TMEM150C: variants seen among roughly 807,000 people sequenced by gnomAD.
TMEM150C encodes the protein tentonin 3.
TMEM150C carries 10 observed loss-of-function variants against 29.9 expected under a neutral mutation model. The ratio of observed to expected loss-of-function variants is 0.33; its 90% CI spans 0.21 to 0.57. The LOEUF (loss-of-function observed/expected upper bound fraction) is 0.57, where lower values mean the gene tolerates loss of function less well. Ranked by LOEUF, TMEM150C falls within the 20% of genes least tolerant of loss-of-function variation. TMEM150C has a pLI of 0.88. For missense variants in TMEM150C, 251 were observed against 303.6 expected, an observed-to-expected ratio of 0.83 and a Z score of 1.29; for synonymous variants, 101 against 112.5, an observed-to-expected ratio of 0.90 and a Z score of 0.64.
chr4:82,535,505 C>G (rs1724975180), intron 1 of TMEM150C, among the ~76,000 whole-genome samples: 1 of 152,082 alleles, frequency 6.6e-6, no homozygotes, highest in Admixed American at 6.6e-5. Context: ...GGTATAGAAG[C>G]AATTCAGGTG....
At chr4:82,512,759 A>G (rs201264966) in intron 1 of TMEM150C, among the ~76,000 whole-genome samples, 2 of 152,244 alleles carry the variant, frequency 1.3e-5, no homozygotes, top group East Asian at 1.9e-4. Flanking sequence ...ACTGAATTAT[A>G]CACTTAGCAA....
chr4:82,487,140 T>A (rs2110060557), intron 7 of TMEM150C, among the ~76,000 whole-genome samples: 1 of 152,164 alleles, frequency 6.6e-6, no homozygotes, highest in East Asian at 1.9e-4. Flanking sequence ...ATCAGAATCA[T>A]TTGGTGAAAG....
chr4:82,550,880 G>A (rs1486958931), intron 1 of TMEM150C, among the ~76,000 whole-genome samples: 1 of 152,212 alleles, frequency 6.6e-6, no homozygotes, highest in East Asian at 1.9e-4. Context: ...CAGAGAATGG[G>A]ATAGTGGGGT....
At chr4:82,536,532 G>A (rs763912006) in intron 1 of TMEM150C, among the ~76,000 whole-genome samples, 27 of 151,810 alleles carry the variant, frequency 1.8e-4, no homozygotes, top group Non-Finnish European at 1.2e-4. Flanking sequence ...GAAAACTTAC[G>A]TAAATATTTA....
intron 1 of TMEM150C, among the ~76,000 whole-genome samples, chr4:82,522,062 C>A (rs74839951): frequency 2.7e-5 from 4 of 149,498 alleles, no homozygotes; most frequent in East Asian, 1.9e-4. Context: ...GAACTTTATT[C>A]AAAAAAAAAA....
intron 1 of TMEM150C, among the ~76,000 whole-genome samples, chr4:82,534,383 A>G (rs998884730): frequency 6.6e-6 from 1 of 152,240 alleles, no homozygotes; most frequent in Non-Finnish European, 1.5e-5. Context: ...GGCTGAATAC[A>G]ACATAAATAT....
intron 7 of TMEM150C, among the ~76,000 whole-genome samples, chr4:82,487,578 T>C (rs1723204177): frequency 6.6e-6 from 1 of 152,240 alleles, no homozygotes; most frequent in Non-Finnish European, 1.5e-5. Flanking sequence ...TTTTATCTTA[T>C]ATTGGCAGAG....
At chr4:82,502,043 G>A (rs1164531368) in intron 5 of TMEM150C, among the ~76,000 whole-genome samples, 1 of 152,122 alleles carries the variant, frequency 6.6e-6, no homozygotes, top group African/African-American at 2.4e-5. Context: ...CTGAGGAGAT[G>A]GTATACAAGG....
In TMEM150C at chr4:82,503,108, A is replaced by C; in HGVS notation, c.85T>G (p.Phe29Val). The change falls in exon 3 of 8, where the codon TTC becomes GTC. Residue 29 changes from phenylalanine (F) to valine (V), a missense_variant. Transcript: ENST00000449862. ...FTSAGLWIVY[F>V]IAVEDDKILP... ...ATTTTGTCATCTTCCACAGCTATGAAGTATCTATCAAAAAAGAATAAGTTT... is the reference window on the plus strand; with the variant it reads ...ATTTTGTCATCTTCCACAGCTATGACGTATCTATCAAAAAAGAATAAGTTT... 2 of 1,599,082 alleles carry C rather than the reference A, an allele frequency of 1.3e-6. No individual in the cohort carries two copies. The highest frequency in any genetic ancestry group is 1.7e-6 in the Non-Finnish European group (2 of 1,169,498).
intron 5 of TMEM150C, among the ~76,000 whole-genome samples, chr4:82,499,615 C>T (rs780404642): frequency 8.4e-5 from 12 of 142,534 alleles, no homozygotes; most frequent in Non-Finnish European, 1.5e-4. Flanking sequence ...CCCAGCTGCT[C>T]GGGAGGCTGA....
intron 1 of TMEM150C, among the ~76,000 whole-genome samples, chr4:82,530,413 C>A (rs1433816683): frequency 2.0e-5 from 3 of 151,952 alleles, no homozygotes; most frequent in Non-Finnish European, 4.4e-5. Flanking sequence ...AAAAATTAGC[C>A]GGGTGTGGTG....
In TMEM150C at chr4:82,499,488, G is replaced by A. The variant is rs183436778; in HGVS notation, c.235+3239C>T. Among the ~76,000 whole-genome samples the A allele has an allele frequency of 4.8e-3, 732 of 152,112 alleles. 5 individuals are homozygous for A. Among genetic ancestry groups the A allele is most frequent in the African/African-American group, 0.016 (682 of 41,518 alleles). ...TATAATCCCAGCACTTTGGGAGGCC[G>A]AGGCTGGTGGATCACCTGAGGTCAA... is the stretch of plus-strand genomic sequence containing the variant. On this transcript the variant is annotated intron_variant, in intron 5 of 7. Coordinates refer to ENST00000449862, the MANE Select transcript of TMEM150C (RefSeq NM_001080506.3).
At chr4:82,495,488 G>T in intron 6 of TMEM150C, 1 of 359,826 alleles carries the variant, frequency 2.8e-6, no homozygotes, top group South Asian at 2.6e-5. Flanking sequence ...GGCCCCAGGT[G>T]ACGAGGCACC....
chr4:82,489,929 TA>T, intron 7 of TMEM150C, 131 bp downstream of exon 7: 1 of 866,504 alleles, frequency 1.2e-6, no homozygotes, highest in East Asian at 2.6e-5. Context: ...TTTGTTTTTA[TA>T]CCTGTTTACC....
intron 1 of TMEM150C, among the ~76,000 whole-genome samples, chr4:82,522,947 G>GT (rs906070793): frequency 3.5e-4 from 53 of 152,226 alleles, no homozygotes; most frequent in African/African-American, 9.4e-4. Flanking sequence ...GAAGGCTGGG[G>GT]TTTTTTTGCT....
rs74655248 is a variant in TMEM150C, at chr4:82,539,288, G to A, written c.-11+22618C>T. The stretch of plus-strand genomic sequence containing the variant: ...TACTATTATCATGATCATTAATGCT[G>A]TTCTGGCCGTTTTTACCAATTCAGT... On this transcript the variant is annotated intron_variant, in intron 1 of 7. Coordinates refer to ENST00000449862, the MANE Select transcript of TMEM150C (RefSeq NM_001080506.3). 2.7e-3 allele frequency among the ~76,000 whole-genome samples: 416 copies of A among 152,176 alleles called. 1 individual carries two copies. The highest frequency in any genetic ancestry group is 9.6e-3 in the African/African-American group (398 of 41,504).
chr4:82,558,994 T>G (rs1263887477), intron 1 of TMEM150C, among the ~76,000 whole-genome samples: 1 of 152,196 alleles, frequency 6.6e-6, no homozygotes, highest in East Asian at 1.9e-4. Flanking sequence ...TTAAGAAGGT[T>G]CTTTGTAATT....
chr4:82,512,134 G>A (rs1724146905), intron 1 of TMEM150C, among the ~76,000 whole-genome samples: 1 of 152,098 alleles, frequency 6.6e-6, no homozygotes, highest in Admixed American at 6.6e-5. Context: ...GCAGCAAATG[G>A]GAAGAATTTG....
At chr4:82,542,657 A>G (rs148203620) in intron 1 of TMEM150C, among the ~76,000 whole-genome samples, 5 of 152,302 alleles carry the variant, frequency 3.3e-5, no homozygotes, top group African/African-American at 1.2e-4. Flanking sequence ...AATGCATGGG[A>G]GTTCTCAGAC....
Sources: gnomAD v4.1 joint callset for allele counts (sites outside exome capture counted in the v4.1 genomes callset) on GRCh38, gnomAD v4.1.1 for gene constraint, MANE v1.5 for transcripts, NCBI Gene and HGNC (gene_info 2026-07-23, HGNC 2026-07-21) for gene names.